The following ERBB4 variants were observed in gnomAD, a reference collection of about 807,000 sequenced individuals.
ERBB4 encodes the protein receptor tyrosine-protein kinase erbB-4.
A neutral mutation model predicts 158.0 loss-of-function variants in ERBB4; 42 were observed. The observed-to-expected ratio is 0.27, with a 90% confidence interval of 0.21 to 0.34. The LOEUF (loss-of-function observed/expected upper bound fraction) is 0.34. Among genes scored for constraint, ERBB4 ranks in the 10% least tolerant of loss-of-function variants. ERBB4 has a pLI of 1.00. For synonymous variants in ERBB4, 583 were observed against 558.7 expected, an observed-to-expected ratio of 1.04 and a Z score of -0.61; for missense variants, 1,333 against 1,624.1, an observed-to-expected ratio of 0.82 and a Z score of 3.08.
chr2:212,046,997 G>C (rs2077276333), intron 2 of ERBB4, among the ~76,000 whole-genome samples: 1 of 152,040 alleles, frequency 6.6e-6, no homozygotes. Flanking sequence ...AGCACAAAGA[G>C]CTGAGTGCAA....
At chr2:211,945,759 T>C (rs182097088) in intron 3 of ERBB4, among the ~76,000 whole-genome samples, 1 of 152,196 alleles carries the variant, frequency 6.6e-6, no homozygotes, top group East Asian at 1.9e-4. Context: ...GTACTGGTAT[T>C]AAATGTGAAA....
intron 20 of ERBB4, among the ~76,000 whole-genome samples, chr2:211,469,546 A>C (rs1466486029): frequency 6.6e-6 from 1 of 152,186 alleles, no homozygotes; most frequent in African/African-American, 2.4e-5. Flanking sequence ...TAGGTTTGTT[A>C]ATCTTAAAGC....
At chr2:211,407,557 T>C (rs1420167036) in intron 25 of ERBB4, among the ~76,000 whole-genome samples, 3 of 152,252 alleles carry the variant, frequency 2.0e-5, no homozygotes, top group Non-Finnish European at 4.4e-5. Flanking sequence ...TGATTTACTG[T>C]ACTTCTTTCA....
At chr2:211,421,070 A>T (rs1330280261) in intron 24 of ERBB4, among the ~76,000 whole-genome samples, 1 of 151,978 alleles carries the variant, frequency 6.6e-6, no homozygotes, top group East Asian at 1.9e-4. Flanking sequence ...GCATTATCAA[A>T]GTAGGGGCAT....
At chr2:211,525,929 T>G (rs1313663493) in intron 20 of ERBB4, among the ~76,000 whole-genome samples, 1 of 152,084 alleles carries the variant, frequency 6.6e-6, no homozygotes, top group Non-Finnish European at 1.5e-5. Flanking sequence ...AACCATAGAA[T>G]AGACCACCAG....
At chr2:211,483,703 C>A (rs1028029292) in intron 20 of ERBB4, among the ~76,000 whole-genome samples, 3 of 152,052 alleles carry the variant, frequency 2.0e-5, no homozygotes, top group Non-Finnish European at 4.4e-5. Context: ...AGGTGTCCAC[C>A]ATCATACTTG....
intron 1 of ERBB4, among the ~76,000 whole-genome samples, chr2:212,481,482 A>G (rs1161461868): frequency 6.6e-6 from 1 of 152,202 alleles, no homozygotes; most frequent in African/African-American, 2.4e-5. Flanking sequence ...TTCTCTGCCA[A>G]ATAAAACAAA....
chr2:211,635,581 G>A (rs1272353455), intron 16 of ERBB4, among the ~76,000 whole-genome samples: 1 of 151,926 alleles, frequency 6.6e-6, no homozygotes, highest in African/African-American at 2.4e-5. Flanking sequence ...CCATTGATCA[G>A]TTTCTTTTCA....
Position 211,465,614 on chromosome 2 carries a change from A to G in ERBB4, c.2488-34514T>C, listed in dbSNP as rs536241207. Among the ~76,000 whole-genome samples, 5 of 151,994 alleles carry G rather than the reference A, an allele frequency of 3.3e-5. No homozygotes were observed. In the South Asian group the frequency reaches 1.0e-3, roughly 32 times the overall value. ...ACATAAGATACTGCTTATGCCTATGAAAAAAAGGGCCTCAAATAGAGTCAT... is the reference window on the plus strand; with the variant it reads ...ACATAAGATACTGCTTATGCCTATGGAAAAAAGGGCCTCAAATAGAGTCAT... On this transcript the variant is annotated intron_variant, in intron 20 of 27. Transcript: ENST00000342788.
intron 1 of ERBB4, among the ~76,000 whole-genome samples, chr2:212,144,063 C>G (rs2125611989): frequency 6.6e-6 from 1 of 151,148 alleles, no homozygotes; most frequent in South Asian, 2.1e-4. Flanking sequence ...TGAAAGTAAA[C>G]TAGAAATAGA....
At chr2:211,530,695 T>C (rs1260621630) in intron 20 of ERBB4, among the ~76,000 whole-genome samples, 1 of 151,938 alleles carries the variant, frequency 6.6e-6, no homozygotes, top group Non-Finnish European at 1.5e-5. Flanking sequence ...TGAGACCAGC[T>C]TAGGCAACAT....
At chr2:211,853,016 T>G (rs1456378937) in intron 3 of ERBB4, among the ~76,000 whole-genome samples, 5 of 152,046 alleles carry the variant, frequency 3.3e-5, no homozygotes, top group Admixed American at 6.6e-5. Flanking sequence ...AGCCTACTAC[T>G]GGATCTAGTT....
At chr2:211,790,994 A>G (rs1045826605) in intron 3 of ERBB4, among the ~76,000 whole-genome samples, 8 of 151,900 alleles carry the variant, frequency 5.3e-5, no homozygotes, top group African/African-American at 1.7e-4. Flanking sequence ...ATATTCTTAA[A>G]GTTTTCATTG....
chr2:212,043,677 T>A (rs942706473), intron 2 of ERBB4, among the ~76,000 whole-genome samples: 1 of 152,130 alleles, frequency 6.6e-6, no homozygotes, highest in Non-Finnish European at 1.5e-5. Context: ...CTAGTATACA[T>A]GTTAAAAGCC....
intron 1 of ERBB4, among the ~76,000 whole-genome samples, chr2:212,347,240 C>T (rs2089047110): frequency 1.3e-5 from 2 of 152,194 alleles, no homozygotes; most frequent in African/African-American, 2.4e-5. Context: ...CTTTAATTTA[C>T]CAAATCTTCA....
chr2:211,632,331 A>T (rs1339951213), intron 16 of ERBB4, among the ~76,000 whole-genome samples: 2 of 152,208 alleles, frequency 1.3e-5, no homozygotes, highest in East Asian at 3.9e-4. Context: ...TTATGTTTCA[A>T]CCAAAGGTAT....
At chr2:212,334,490 T>G (rs2088333256) in intron 1 of ERBB4, among the ~76,000 whole-genome samples, 4 of 152,044 alleles carry the variant, frequency 2.6e-5, no homozygotes, top group Non-Finnish European at 4.4e-5. Flanking sequence ...ATAATTTCTG[T>G]TCCTATAGTA....
intron 20 of ERBB4, among the ~76,000 whole-genome samples, chr2:211,442,700 T>C (rs1021497224): frequency 3.1e-4 from 43 of 140,974 alleles, no homozygotes; most frequent in African/African-American, 1.1e-3. Context: ...TATACGTGTG[T>C]ATATATGTAT....
chr2:212,076,581 T>C (rs2078281074), intron 2 of ERBB4, among the ~76,000 whole-genome samples: 2 of 151,830 alleles, frequency 1.3e-5, no homozygotes, highest in Non-Finnish European at 2.9e-5. Flanking sequence ...GTGATCTAGT[T>C]GAAATATATA....
Sources: gnomAD v4.1 joint callset for allele counts (sites outside exome capture counted in the v4.1 genomes callset) on GRCh38, gnomAD v4.1.1 for gene constraint, MANE v1.5 for transcripts, NCBI Gene and HGNC (gene_info 2026-07-23, HGNC 2026-07-21) for gene names.